SH2B2: variants seen among roughly 807,000 people sequenced by gnomAD.
SH2B2 encodes SH2B adapter protein 2.
SH2B2 carries 37 observed loss-of-function variants against 35.7 expected under a neutral mutation model. The observed-to-expected ratio is 1.04, with a 90% CI of 0.80 to 1.36. SH2B2 has a LOEUF of 1.36. SH2B2 is among the 40% of genes most tolerant of loss of function. SH2B2 has a pLI of 0.00. For missense variants in SH2B2, 852 were observed against 817.7 expected, an observed-to-expected ratio of 1.04 and a Z score of -0.51; for synonymous variants, 383 against 376.4, an observed-to-expected ratio of 1.02 and a Z score of -0.20.
Position 102,321,522 on chromosome 7 carries a change from C to G in SH2B2, c.1791C>G (p.Asn597Lys). 8.7e-7 allele frequency: 1 copy of G among 1,143,812 alleles called. No individual in the cohort carries two copies. Among genetic ancestry groups the G allele is most frequent in the Non-Finnish European group, 1.1e-6 (1 of 932,026 alleles). 70.9% of individuals were successfully genotyped at this position (1,143,812 alleles called of 1,614,324 possible). Reference protein sequence around the residue: ...EGQLSARSRSNSAERLLEAVA... With the variant: ...EGQLSARSRSKSAERLLEAVA... ...AGCTCAGCGCGCGGAGCCGCAGCAA[C>G]AGCGCCGAGCGCCTGCTGGAGGCCG... Residue 597 changes from asparagine to lysine, a missense_variant, in exon 9 of 9, where the codon AAC becomes AAG. This residue lies in a region of SH2B2 where 556 missense variants were observed against 514.5 expected (regional missense o/e 1.08). Transcript: ENST00000444095.
At chr7:102,309,698 T>C (rs893066977) in intron 4 of SH2B2, 4 of 167,254 alleles carry the variant, frequency 2.4e-5, no homozygotes, top group Non-Finnish European at 5.2e-5. Context: ...TAGAGAGAGC[T>C]GGAGAGAGGC....
At position 102,287,867 on chromosome 7, in the gene SH2B2, C is replaced by G. The variant is rs189514043; in HGVS notation, c.-30+773C>G. ...GGGAAGTCTGCAGTGACTGGAGCCT[C>G]TCAGGAGCCACGCAAGGCAGACCGG... On this transcript the variant is annotated intron_variant, in intron 1 of 8. Coordinates refer to ENST00000444095, the MANE Select transcript of SH2B2 (RefSeq NM_001359228.2). Among the ~76,000 whole-genome samples the G allele has an allele frequency of 3.3e-3, 501 of 152,278 alleles. 3 individuals are homozygous for G. Among genetic ancestry groups the G allele is most frequent in the African/African-American group, 0.011 (458 of 41,572 alleles).
chr7:102,294,416 C>T (rs1297802642), intron 1 of SH2B2, among the ~76,000 whole-genome samples: 1 of 152,110 alleles, frequency 6.6e-6, no homozygotes, highest in Non-Finnish European at 1.5e-5. Context: ...GAAACACCAA[C>T]CTTGGCAGCA....
intron 1 of SH2B2, among the ~76,000 whole-genome samples, chr7:102,288,509 C>T (rs946346556): frequency 2.6e-5 from 4 of 151,990 alleles, no homozygotes; most frequent in African/African-American, 7.3e-5. Context: ...TTAATGCACA[C>T]GCTTTTCTTT....
chr7:102,286,838 GGGAGGCGCGCGCCTCGCGGGC>G (rs1792471054), upstream of SH2B2: 3 of 46,540 alleles, frequency 6.4e-5, no homozygotes, highest in South Asian at 9.8e-4. Context: ...GGGCGGGGCC[GGGAGGCGCGCGCCTCGCGGGC>G]GGAGGGGCGC....
intron 4 of SH2B2, among the ~76,000 whole-genome samples, chr7:102,312,631 CTTTCTTTCTTTT>C (rs1793669642): frequency 6.6e-6 from 1 of 152,112 alleles, no homozygotes; most frequent in African/African-American, 2.4e-5. Context: ...TGGGTAATTT[CTTTCTTTCTTTT>C]TTTCTTTCTT....
In SH2B2 at chr7:102,297,849, C is replaced by T. The variant is rs77123316; in HGVS notation, c.-29-2673C>T. On this transcript the variant is annotated intron_variant, in intron 1 of 8. Coordinates refer to ENST00000444095, the MANE Select transcript of SH2B2 (RefSeq NM_001359228.2). The surrounding 1 kb of genome is among the most constrained non-coding windows in gnomAD (Gnocchi z 4.3). ...GCAACTAAATATATGATATGACAGC[C>T]GGCAATAAGGATAATGGTGAAAATA... 0.02 allele frequency among the ~76,000 whole-genome samples: 3,070 copies of T among 152,108 alleles called. 114 individuals are homozygous for T. The highest frequency in any genetic ancestry group is 0.071 in the African/African-American group (2,949 of 41,452).
chr7:102,286,397 G>C (rs1328346411), upstream of SH2B2, among the ~76,000 whole-genome samples: 1 of 152,216 alleles, frequency 6.6e-6, no homozygotes, highest in Admixed American at 6.5e-5. Flanking sequence ...CCACAGCGGC[G>C]GCTCCCGCGA....
chr7:102,300,494 A>G, intron 1 of SH2B2, 28 bp from the exon 2 acceptor site: 1 of 1,504,166 alleles, frequency 6.6e-7, no homozygotes, highest in Non-Finnish European at 8.9e-7. Context: ...CAGGCCTGAA[A>G]GTCACTGCGC....
chr7:102,303,595 TACACTTCCCTAGGGC>T (rs1793278937), intron 2 of SH2B2, among the ~76,000 whole-genome samples: 1 of 152,160 alleles, frequency 6.6e-6, no homozygotes, highest in Admixed American at 6.5e-5. Flanking sequence ...CCAGCACCCC[TACACTTCCCTAGGGC>T]TTTTTTCCTG....
At chr7:102,313,825 T>C (rs1300221384) in intron 4 of SH2B2, among the ~76,000 whole-genome samples, 1 of 151,052 alleles carries the variant, frequency 6.6e-6, no homozygotes, top group East Asian at 2.0e-4. Context: ...GGCAGGAGAA[T>C]CGCTTGAACC....
intron 7 of SH2B2, among the ~76,000 whole-genome samples, chr7:102,318,037 G>A (rs1005952592): frequency 6.6e-6 from 1 of 152,152 alleles, no homozygotes; most frequent in Non-Finnish European, 1.5e-5. Context: ...TCAGGAAGGC[G>A]ATCCCAACAG....
intron 3 of SH2B2, 117 bp from the exon 4 acceptor site, chr7:102,308,698 T>G: frequency 1.3e-6 from 1 of 779,736 alleles, no homozygotes; most frequent in South Asian, 1.5e-5. Context: ...GCTCATGCCC[T>G]TGAGCCCTGC....
rs1468339240 is a variant in SH2B2, at chr7:102,300,601, G to C, written c.51G>C (p.Pro17=). Residue 17 remains proline (P), a synonymous_variant, in exon 2 of 9, where the codon CCG becomes CCC. Transcript: ENST00000444095. ...GPAAAAPVPV[P]VPVPDWRQFC... is the part of the protein sequence containing the mutation. ...CCGCAGCCGCCCCGGTCCCAGTCCC[G>C]GTCCCGGTCCCGGACTGGCGGCAGT... 6.5e-7 allele frequency: 1 copy of C among 1,550,046 alleles called. No homozygotes were observed. Among genetic ancestry groups the C allele is most frequent in the East Asian group, 2.4e-5 (1 of 40,906 alleles).
At chr7:102,298,119 A>G (rs374132882) in intron 1 of SH2B2, among the ~76,000 whole-genome samples, 4 of 152,280 alleles carry the variant, frequency 2.6e-5, no homozygotes, top group African/African-American at 9.6e-5. Context: ...AGGTATATCC[A>G]GAGGGGTAAA....
chr7:102,318,821 G>C (rs577627396), intron 7 of SH2B2, among the ~76,000 whole-genome samples: 1 of 152,172 alleles, frequency 6.6e-6, no homozygotes, highest in Non-Finnish European at 1.5e-5. Context: ...CAGTTCCTCC[G>C]ACAACCAGGT....
intron 2 of SH2B2, among the ~76,000 whole-genome samples, chr7:102,302,011 G>A (rs1273327410): frequency 7.9e-5 from 12 of 152,092 alleles, no homozygotes; most frequent in African/African-American, 2.4e-5. Flanking sequence ...CACACACACC[G>A]CCACTCCCAG....
At chr7:102,309,630 G>A in intron 4 of SH2B2, 1 of 217,676 alleles carries the variant, frequency 4.6e-6, no homozygotes, top group Non-Finnish European at 9.5e-6. Context: ...CGAAGTGCTG[G>A]GATTACCGGC....
chr7:102,319,833 C>G (rs567594466), intron 7 of SH2B2, among the ~76,000 whole-genome samples: 1 of 152,000 alleles, frequency 6.6e-6, no homozygotes, highest in Non-Finnish European at 1.5e-5. Flanking sequence ...CCACAGCGTG[C>G]GGTCACTCCT....
Sources: allele counts gnomAD v4.1 joint callset (sites outside exome capture counted in the v4.1 genomes callset), GRCh38; gene constraint gnomAD v4.1.1; regional missense constraint gnomAD v4.1.1; non-coding constraint Gnocchi (gnomAD v3.1); transcripts MANE v1.5; gene names NCBI Gene and HGNC (gene_info 2026-07-23, HGNC 2026-07-21).